The following NAV2 variants were observed in gnomAD, a reference collection of about 807,000 sequenced individuals.
The protein encoded by NAV2 is neuron navigator 2, also known as helicase, APC down-regulated 1.
A neutral mutation model predicts 223.2 loss-of-function variants in NAV2; 54 were observed. The observed-to-expected ratio is 0.24, with a 90% CI of 0.19 to 0.30. The LOEUF is 0.30. Ranked by LOEUF, NAV2 falls within the 10% of genes least tolerant of loss-of-function variation. The pLI, the probability that NAV2 is intolerant of heterozygous loss-of-function variation, is 1.00. For synonymous variants in NAV2, 1,279 were observed against 1,239.3 expected (o/e 1.03, Z -0.67); for missense variants, 2,806 against 3,147.5 (o/e 0.89, Z 2.60).
chr11:19,603,800 G>A (rs1036220576), intron 1 of NAV2, among the ~76,000 whole-genome samples: 3 of 152,016 alleles, frequency 2.0e-5, no homozygotes, highest in African/African-American at 4.8e-5. Context: ...GGAAAATCAA[G>A]CAAAGAAAGG....
intron 5 of NAV2, among the ~76,000 whole-genome samples, chr11:19,891,953 T>G (rs1212916936): frequency 6.6e-6 from 1 of 151,980 alleles, no homozygotes; most frequent in Non-Finnish European, 1.5e-5. Context: ...AAAAATGAAC[T>G]TTGTTTTTGT....
chr11:19,466,398 G>A (rs1160274312), intron 1 of NAV2, among the ~76,000 whole-genome samples: 2 of 152,210 alleles, frequency 1.3e-5, no homozygotes, highest in East Asian at 1.9e-4. Flanking sequence ...TAGTTTGGGG[G>A]TGAAGCCTGC....
chr11:19,399,913 T>C (rs1245332458), intron 1 of NAV2, among the ~76,000 whole-genome samples: 2 of 152,170 alleles, frequency 1.3e-5, no homozygotes, highest in African/African-American at 4.8e-5. Context: ...TGGGGTCAGA[T>C]GGGCTTCAGG....
chr11:19,463,668 A>G (rs1005562903), intron 1 of NAV2, among the ~76,000 whole-genome samples: 7 of 152,252 alleles, frequency 4.6e-5, no homozygotes, highest in African/African-American at 1.7e-4. Context: ...CTAACCAGAA[A>G]AAGCTGAGTC....
intron 1 of NAV2, among the ~76,000 whole-genome samples, chr11:19,363,778 C>T (rs950811109): frequency 6.6e-6 from 1 of 152,204 alleles, no homozygotes; most frequent in Non-Finnish European, 1.5e-5. Context: ...ACCTTCTCTT[C>T]AGGTTTGATG....
chr11:19,621,857 A>G (rs1439181136), intron 1 of NAV2, among the ~76,000 whole-genome samples: 1 of 152,074 alleles, frequency 6.6e-6, no homozygotes, highest in African/African-American at 2.4e-5. Flanking sequence ...TAGGGTGTCA[A>G]TTTTAGATCT....
intron 1 of NAV2, among the ~76,000 whole-genome samples, chr11:19,664,579 A>G (rs1198431407): frequency 1.3e-5 from 2 of 152,204 alleles, no homozygotes; most frequent in Non-Finnish European, 2.9e-5. Context: ...TTCCCAGAAA[A>G]GGAATTGAGT....
intron 10 of NAV2, among the ~76,000 whole-genome samples, chr11:19,974,975 G>A (rs1022435897): frequency 6.6e-6 from 1 of 152,180 alleles, no homozygotes; most frequent in African/African-American, 2.4e-5. Flanking sequence ...CTCTCCAGAG[G>A]ATCTGCCTGT....
At chr11:19,465,454 ATTG>A (rs1852317785) in intron 1 of NAV2, among the ~76,000 whole-genome samples, 1 of 152,210 alleles carries the variant, frequency 6.6e-6, no homozygotes, top group African/African-American at 2.4e-5. Context: ...AATTATTTTA[ATTG>A]TTATTAAATA....
intron 1 of NAV2, among the ~76,000 whole-genome samples, chr11:19,830,561 G>A (rs1383670251): frequency 6.6e-6 from 1 of 152,200 alleles, no homozygotes; most frequent in Non-Finnish European, 1.5e-5. Context: ...GTTTATGTCA[G>A]TGCCTGGCAT....
chr11:20,057,417 A>T (rs1564950975), intron 19 of NAV2, among the ~76,000 whole-genome samples: 1 of 152,146 alleles, frequency 6.6e-6, no homozygotes, highest in Non-Finnish European at 1.5e-5. Flanking sequence ...CTGTAAATCC[A>T]TATATGGGAA....
upstream of NAV2, among the ~76,000 whole-genome samples, chr11:19,348,189 C>A (rs902504400): frequency 1.3e-5 from 2 of 152,138 alleles, no homozygotes; most frequent in South Asian, 4.2e-4. Context: ...GGGTCTCACC[C>A]GGGAGGGAGC....
At chr11:19,551,447 A>G (rs2044687349) in intron 1 of NAV2, among the ~76,000 whole-genome samples, 1 of 152,122 alleles carries the variant, frequency 6.6e-6, no homozygotes, top group Admixed American at 6.5e-5. Context: ...TGAGTTGTGG[A>G]CCCAGACGGC....
At chr11:19,670,815 G>A (rs930970853) in intron 1 of NAV2, among the ~76,000 whole-genome samples, 7 of 152,204 alleles carry the variant, frequency 4.6e-5, no homozygotes, top group South Asian at 2.1e-4. Flanking sequence ...TAACAACCAC[G>A]CAGCCCTTTG....
intron 11 of NAV2, among the ~76,000 whole-genome samples, chr11:19,993,586 C>A (rs890140302): frequency 6.6e-6 from 1 of 152,090 alleles, no homozygotes; most frequent in Non-Finnish European, 1.5e-5. Context: ...CCCCTCCCCC[C>A]GTTATTTAAC....
chr11:19,774,501 G>T (rs1004199509), intron 1 of NAV2, among the ~76,000 whole-genome samples: 2 of 152,160 alleles, frequency 1.3e-5, no homozygotes, highest in Admixed American at 1.3e-4. Context: ...TGACCCAGCT[G>T]TACACTATAC....
intron 4 of NAV2, among the ~76,000 whole-genome samples, chr11:19,871,859 C>T (rs550492226): frequency 6.6e-6 from 1 of 152,102 alleles, no homozygotes; most frequent in Non-Finnish European, 1.5e-5. Flanking sequence ...CCACTTTGAG[C>T]GATTCTTAGA....
chr11:20,022,310 C>T (rs2054575156), intron 11 of NAV2, among the ~76,000 whole-genome samples: 1 of 152,192 alleles, frequency 6.6e-6, no homozygotes, highest in African/African-American at 2.4e-5. Flanking sequence ...CAACCCCTTC[C>T]CATCCCAGAG....
chr11:19,678,169 T>G (rs74845383), intron 1 of NAV2, among the ~76,000 whole-genome samples: 1,696 of 152,238 alleles, frequency 0.011, 34 homozygotes, highest in African/African-American at 0.039. Context: ...CCCAAGATAA[T>G]AAGGATGATA....
Sources: allele counts gnomAD v4.1 joint callset (sites outside exome capture counted in the v4.1 genomes callset), GRCh38; gene constraint gnomAD v4.1.1; transcripts MANE v1.5; gene names NCBI Gene and HGNC (gene_info 2026-07-23, HGNC 2026-07-21).